TDRD9: variants seen among roughly 807,000 people sequenced by gnomAD.
TDRD9 encodes ATP-dependent RNA helicase TDRD9.
TDRD9 carries 124 observed loss-of-function variants against 172.6 expected under a neutral mutation model. That is an observed-to-expected ratio of 0.72 (90% CI 0.62 to 0.83). The LOEUF is 0.83. TDRD9 is among the 40% of genes least tolerant of loss of function. The probability of loss-of-function intolerance (pLI) is 0.00; values close to 1 mark genes in which losing one functional copy is unlikely to be tolerated. For synonymous variants in TDRD9, 619 were observed against 617.1 expected, an observed-to-expected ratio of 1.00 and a Z score of -0.05; for missense variants, 1,479 against 1,714.1, an observed-to-expected ratio of 0.86 and a Z score of 2.42.
chr14:104,008,105 G>T (rs11160776), intron 19 of TDRD9, among the ~76,000 whole-genome samples: 143,355 of 152,264 alleles, frequency 0.94, 68,078 homozygotes, highest in East Asian at 1. Context: ...CTCAGCTGTA[G>T]TATTTTTCTT....
intron 3 of TDRD9, among the ~76,000 whole-genome samples, chr14:103,964,074 T>C (rs2032628887): frequency 6.6e-6 from 1 of 152,092 alleles, no homozygotes; most frequent in African/African-American, 2.4e-5. Flanking sequence ...AGACCTCATC[T>C]CTACAAAACA....
chr14:104,004,192 T>C, intron 13 of TDRD9, 46 bp from the exon 14 acceptor site: 2 of 943,784 alleles, frequency 2.1e-6, no homozygotes, highest in South Asian at 1.5e-5. Context: ...ATGCTGATGT[T>C]AAAGTAATTA....
At chr14:103,946,700 G>T (rs2031578033) in intron 1 of TDRD9, among the ~76,000 whole-genome samples, 1 of 152,164 alleles carries the variant, frequency 6.6e-6, no homozygotes, top group African/African-American at 2.4e-5. Context: ...ATTCAGCAAA[G>T]TAGCAGTCTA....
chr14:103,933,445 T>C (rs2030536474), intron 1 of TDRD9, among the ~76,000 whole-genome samples: 2 of 152,258 alleles, frequency 1.3e-5, no homozygotes, highest in South Asian at 4.1e-4. Context: ...CAACACCTTA[T>C]TAAAATGTTC....
At chr14:104,037,447 A>G (rs998312938) in intron 32 of TDRD9, among the ~76,000 whole-genome samples, 1 of 152,168 alleles carries the variant, frequency 6.6e-6, no homozygotes, top group Non-Finnish European at 1.5e-5. Context: ...CTCCCTCCAC[A>G]TGTGTCACTG....
intron 13 of TDRD9, among the ~76,000 whole-genome samples, chr14:104,002,403 C>T (rs2152213612): frequency 6.6e-6 from 1 of 152,112 alleles, no homozygotes; most frequent in Admixed American, 6.5e-5. Context: ...TTGGTCTGCC[C>T]CTGAACTGGA....
rs10661391 is a variant in TDRD9, at chr14:104,023,184, C to CAA, written c.2606+883_2606+884dup. 3.1e-3 allele frequency among the ~76,000 whole-genome samples: 201 copies of CAA among 64,452 alleles called. 17 individuals carry two copies. The highest frequency in any genetic ancestry group is 6.5e-3 in the African/African-American group (91 of 13,932). 42.3% of individuals were successfully genotyped at this position (64,452 alleles called of 152,430 possible). ...TGGGCGACAGAGCGAGACTCCGTCTCAAAAAAAAAAAAAAAAAAAAAAAAA... is the reference window on the plus strand; with the variant it reads ...TGGGCGACAGAGCGAGACTCCGTCTCAAAAAAAAAAAAAAAAAAAAAAAAAAA... On this transcript the variant is annotated intron_variant, in intron 24 of 35. Coordinates refer to ENST00000409874, the MANE Select transcript of TDRD9 (RefSeq NM_153046.3).
chr14:103,999,502 T>A (rs1037374901), intron 13 of TDRD9, among the ~76,000 whole-genome samples: 1 of 152,168 alleles, frequency 6.6e-6, no homozygotes, highest in Non-Finnish European at 1.5e-5. Context: ...TTTTGGGGTC[T>A]TGGGATGCTT....
At chr14:103,998,855 C>T (rs913700440) in intron 13 of TDRD9, 127 bp downstream of exon 13, 30 of 550,134 alleles carry the variant, frequency 5.5e-5, no homozygotes, top group South Asian at 2.0e-4. Flanking sequence ...GGCAGTGGCG[C>T]GATCTCGGTT....
At chr14:103,950,236 C>G (rs1038574358) in intron 1 of TDRD9, among the ~76,000 whole-genome samples, 1 of 151,546 alleles carries the variant, frequency 6.6e-6, no homozygotes, top group Non-Finnish European at 1.5e-5. Context: ...ATTATAGGCA[C>G]GTGCCACCAT....
intron 1 of TDRD9, among the ~76,000 whole-genome samples, chr14:103,939,159 G>C (rs1222123644): frequency 1.3e-5 from 2 of 152,134 alleles, no homozygotes; most frequent in East Asian, 3.9e-4. Flanking sequence ...GAAGTGGTAT[G>C]GTGTTGTCCA....
chr14:104,013,218 G>C (rs897311250), intron 20 of TDRD9, among the ~76,000 whole-genome samples: 1 of 152,186 alleles, frequency 6.6e-6, no homozygotes, highest in Non-Finnish European at 1.5e-5. Flanking sequence ...CTTTTGTGGT[G>C]ACTTAATTTA....
chr14:104,005,083 C>A, intron 14 of TDRD9, 191 bp from the exon 15 acceptor site: 2 of 421,370 alleles, frequency 4.7e-6, no homozygotes, highest in Non-Finnish European at 8.3e-6. Context: ...TTTTATTTTT[C>A]CATCTCTTTC....
In TDRD9 at chr14:104,014,811, G is replaced by A; in HGVS notation, c.2193G>A (p.Glu731=). The change falls in exon 21 of 36, where the codon GAG becomes GAA. Residue 731 remains glutamate, a synonymous_variant. Coordinates refer to ENST00000409874, the MANE Select transcript of TDRD9 (RefSeq NM_153046.3). ...VDSRRPVMDQ[E]YIYKQRFILQ... is the part of the protein sequence containing the mutation. The stretch of plus-strand genomic sequence containing the variant: ...CTCGGCGACCTGTCATGGACCAAGA[G>A]TATATATATAAGCAGCGATTCATCC... 1 of 1,609,962 alleles carries A rather than the reference G, an allele frequency of 6.2e-7. No homozygotes were observed. Among genetic ancestry groups the A allele is most frequent in the Non-Finnish European group, 8.5e-7 (1 of 1,177,494 alleles).
intron 1 of TDRD9, among the ~76,000 whole-genome samples, chr14:103,949,088 G>A (rs2031725439): frequency 6.6e-6 from 1 of 152,148 alleles, no homozygotes; most frequent in Non-Finnish European, 1.5e-5. Flanking sequence ...GAGATGGATG[G>A]TGGTGAAGGT....
chr14:103,955,900 A>G lies in TDRD9; in HGVS notation c.322+130A>G, dbSNP rs556050602. 23 of 703,416 alleles carry G rather than the reference A, an allele frequency of 3.3e-5. No individual in the cohort carries two copies. The African/African-American group carries it at 3.7e-4, about 11-fold the overall frequency. 43.6% of individuals were successfully genotyped at this position (703,416 alleles called of 1,614,324 possible). A position where few individuals can be genotyped will look rare whatever the true frequency, so the allele number is the denominator to read the frequency against. On this transcript the variant is annotated intron_variant, in intron 2 of 35. Coordinates refer to ENST00000409874, the MANE Select transcript of TDRD9 (RefSeq NM_153046.3). The stretch of plus-strand genomic sequence containing the variant: ...TGAGGTGGGAGGATCACTTAAGGCC[A>G]GGAATTTAACACTAGCCTGGGCAAC...
At chr14:104,040,646 C>G (rs898700593) in intron 33 of TDRD9, among the ~76,000 whole-genome samples, 5 of 152,224 alleles carry the variant, frequency 3.3e-5, no homozygotes, top group South Asian at 2.1e-4. Context: ...TGCTGTGGGT[C>G]TCATTCCAAG....
intron 9 of TDRD9, 81 bp downstream of exon 9, chr14:103,991,305 A>T: frequency 7.1e-7 from 1 of 1,411,780 alleles, no homozygotes; most frequent in Non-Finnish European, 9.9e-7. Context: ...AGATTATGAA[A>T]GATGGTATTC....
chr14:103,978,620 G>A (rs569210929), intron 7 of TDRD9, among the ~76,000 whole-genome samples: 3 of 152,206 alleles, frequency 2.0e-5, no homozygotes, highest in South Asian at 2.1e-4. Context: ...AGACTTTGAC[G>A]ATTTGAAGAG....
Sources: gnomAD v4.1 joint callset for allele counts (sites outside exome capture counted in the v4.1 genomes callset) on GRCh38, gnomAD v4.1.1 for gene constraint, MANE v1.5 for transcripts, NCBI Gene and HGNC (gene_info 2026-07-23, HGNC 2026-07-21) for gene names.